CDK7: variants seen among roughly 807,000 people sequenced by gnomAD.
CDK7 encodes cyclin-dependent kinase 7.
CDK7 carries 25 observed loss-of-function variants against 49.1 expected under a neutral mutation model. That is an observed-to-expected ratio of 0.51 (90% confidence interval 0.37 to 0.71). The LOEUF (loss-of-function observed/expected upper bound fraction) is 0.71, where lower values mean the gene tolerates loss of function less well. CDK7 is among the 30% of genes least tolerant of loss of function. CDK7 has a pLI of 0.00. For missense variants in CDK7, 316 were observed against 411.7 expected, an observed-to-expected ratio of 0.77 and a Z score of 2.01; for synonymous variants, 107 against 140.0, an observed-to-expected ratio of 0.76 and a Z score of 1.67.
In CDK7 at chr5:69,277,355, A is replaced by G. The variant is rs1368972449; in HGVS notation, c.*220A>G. ...AGTGCAAAAGTGAGAAAAGTTCAAT[A>G]CTCTTGAAATGTAGAATTGAAAATG... On this transcript the variant is annotated 3_prime_UTR_variant, in exon 12 of 12. Coordinates refer to ENST00000256443, the MANE Select transcript of CDK7 (RefSeq NM_001799.4). The G allele has an allele frequency of 2.5e-6, 1 of 403,592 alleles. No individual in the cohort carries two copies. The highest frequency in any genetic ancestry group is 4.5e-6 in the Non-Finnish European group (1 of 223,600). 25.0% of individuals were successfully genotyped at this position (403,592 alleles called of 1,614,324 possible). A position where few individuals can be genotyped will look rare whatever the true frequency, so the allele number is the denominator to read the frequency against.
chr5:69,257,715 T>A (rs1242097745), intron 5 of CDK7, among the ~76,000 whole-genome samples: 2 of 152,182 alleles, frequency 1.3e-5, no homozygotes. Context: ...AGTCCTACCT[T>A]AACCATGTGG....
At chr5:69,241,964 C>T (rs906012496) in intron 2 of CDK7, among the ~76,000 whole-genome samples, 4 of 152,132 alleles carry the variant, frequency 2.6e-5, no homozygotes, top group African/African-American at 9.7e-5. Flanking sequence ...TGGGGTATTA[C>T]TCTAGAACTC....
intron 7 of CDK7, among the ~76,000 whole-genome samples, chr5:69,261,205 G>C (rs1750787959): frequency 6.6e-6 from 1 of 152,172 alleles, no homozygotes; most frequent in African/African-American, 2.4e-5. Flanking sequence ...GTAAGAAGTA[G>C]GGGATGTGAG....
chr5:69,235,551 A>G (rs1190027673), intron 2 of CDK7, 98 bp downstream of exon 2: 3 of 810,794 alleles, frequency 3.7e-6, no homozygotes, highest in Non-Finnish European at 6.4e-6. Context: ...ATACTCTGAT[A>G]ATGAGTTACT....
At chr5:69,274,393 G>C (rs1751892501) in intron 10 of CDK7, among the ~76,000 whole-genome samples, 2 of 152,158 alleles carry the variant, frequency 1.3e-5, no homozygotes, top group Non-Finnish European at 2.9e-5. Flanking sequence ...CCAGCACTTT[G>C]GGAGGTGAAG....
At chr5:69,258,365 T>C (rs1231950870) in intron 6 of CDK7, among the ~76,000 whole-genome samples, 1 of 148,846 alleles carries the variant, frequency 6.7e-6, no homozygotes, top group African/African-American at 2.5e-5. Context: ...CTGGAAGAGA[T>C]CCAGTCCCTC....
Position 69,234,932 on chromosome 5 carries a change from G to A in CDK7, c.-44G>A, listed in dbSNP as rs374983298. On this transcript the variant is annotated 5_prime_UTR_variant, in exon 1 of 12. Transcript: ENST00000256443. ...GGTAGCTTTAAATTCGTGTTGTCCT[G>A]GGAGCTCGCCCTTTTCGGCTGGAGT... is the stretch of plus-strand genomic sequence containing the variant. The A allele has an allele frequency of 4.8e-5, 74 of 1,555,852 alleles. No homozygotes were observed. The highest frequency in any genetic ancestry group is 6.4e-5 in the Non-Finnish European group (73 of 1,145,692).
At chr5:69,246,490 A>G (rs566326271) in intron 2 of CDK7, among the ~76,000 whole-genome samples, 70 of 152,248 alleles carry the variant, frequency 4.6e-4, no homozygotes, top group Middle Eastern at 3.4e-3. Context: ...TGCACTTGGG[A>G]GAGATCCAAG....
At chr5:69,260,206 T>G (rs1750728928) in intron 7 of CDK7, among the ~76,000 whole-genome samples, 1 of 152,014 alleles carries the variant, frequency 6.6e-6, no homozygotes, top group Non-Finnish European at 1.5e-5. Flanking sequence ...AAGAATTAGC[T>G]GGGCATGGTG....
chr5:69,262,288 C>G lies in CDK7; in HGVS notation c.611C>G (p.Ala204Gly). ...ATGTGGGCTGTTGGCTGTATATTAG[C>G]AGAGTTACTTCTAAGGGTAAGTCTA... ...VDMWAVGCIL[A>G]ELLLRVPFLP... The change falls in exon 8 of 12, where the codon GCA becomes GGA. Residue 204 changes from alanine (A) to glycine (G), a missense_variant. Ala to Gly is a moderately conservative substitution (Grantham distance 60). Transcript: ENST00000256443. The G allele has an allele frequency of 6.2e-7, 1 of 1,613,968 alleles. No individual in the cohort carries two copies. The highest frequency in any genetic ancestry group is 1.7e-4 in the Middle Eastern group (1 of 6,052).
At chr5:69,266,729 T>G (rs1751182935) in intron 8 of CDK7, among the ~76,000 whole-genome samples, 1 of 148,666 alleles carries the variant, frequency 6.7e-6, no homozygotes, top group Non-Finnish European at 1.5e-5. Context: ...AAGGAACCGA[T>G]GGATATGATT....
chr5:69,237,842 G>A (rs1251483077), intron 2 of CDK7, among the ~76,000 whole-genome samples: 2 of 152,150 alleles, frequency 1.3e-5, no homozygotes, highest in African/African-American at 2.4e-5. Context: ...CTGGCCTCAA[G>A]TGATTGTCCT....
At chr5:69,251,664 G>A (rs575390994) in intron 2 of CDK7, among the ~76,000 whole-genome samples, 1 of 152,134 alleles carries the variant, frequency 6.6e-6, no homozygotes, top group East Asian at 1.9e-4. Flanking sequence ...CTGAGTACTT[G>A]GGACTGTAGG....
chr5:69,276,417 G>A (rs1752145155), intron 10 of CDK7, 126 bp from the exon 11 acceptor site: 8 of 752,976 alleles, frequency 1.1e-5, no homozygotes, highest in Non-Finnish European at 1.8e-5. Context: ...CATTAATTTT[G>A]TTTTGTTGGG....
rs1291424901 is a variant in CDK7, at chr5:69,276,696, A to G, written c.1012+6A>G. 2 of 1,607,558 alleles carry G rather than the reference A, an allele frequency of 1.2e-6. No homozygotes were observed. The highest frequency in any genetic ancestry group is 1.7e-4 in the Middle Eastern group (1 of 6,046). ...AACAGAGGCCTTAGAACAAGGTAAG[A>G]TTCCCACTTTTAAAAGAAATTAAAT... On this transcript the variant is annotated splice_donor_region_variant and intron_variant, in intron 11 of 11. Coordinates refer to ENST00000256443, the MANE Select transcript of CDK7 (RefSeq NM_001799.4).
chr5:69,272,291 A>G (rs994791004), intron 9 of CDK7, among the ~76,000 whole-genome samples: 1 of 152,190 alleles, frequency 6.6e-6, no homozygotes, highest in African/African-American at 2.4e-5. Flanking sequence ...CAAAGTAGCT[A>G]TATGTTAAAT....
intron 7 of CDK7, among the ~76,000 whole-genome samples, chr5:69,260,374 A>C (rs1300042438): frequency 1.3e-5 from 2 of 152,130 alleles, no homozygotes; most frequent in African/African-American, 4.8e-5. Context: ...AACAAACAAA[A>C]AAAAAACCTG....
Position 69,272,889 on chromosome 5 carries a change from C to A in CDK7, c.715-3C>A. On this transcript the variant is annotated splice_polypyrimidine_tract_variant and splice_region_variant and intron_variant, in intron 9 of 11. Transcript: ENST00000256443. ...AGTTTGAATTACAAAATTATTTTTA[C>A]AGGACATGTGTAGTCTTCCAGATTA... The A allele has an allele frequency of 6.5e-7, 1 of 1,544,658 alleles. No individual in the cohort carries two copies. Among genetic ancestry groups the A allele is most frequent in the Non-Finnish European group, 8.8e-7 (1 of 1,140,982 alleles).
At chr5:69,262,144 A>C in intron 7 of CDK7, 61 bp from the exon 8 acceptor site, 2 of 1,603,880 alleles carry the variant, frequency 1.2e-6, no homozygotes, top group Non-Finnish European at 1.7e-6. Context: ...GTTCATCCCT[A>C]GAGATAGAAG....
Sources: gnomAD v4.1 joint callset for allele counts (sites outside exome capture counted in the v4.1 genomes callset) on GRCh38, gnomAD v4.1.1 for gene constraint, MANE v1.5 for transcripts, NCBI Gene and HGNC (gene_info 2026-07-23, HGNC 2026-07-21) for gene names.